INPP5D: variants seen among roughly 807,000 people sequenced by gnomAD.
INPP5D encodes the protein phosphatidylinositol 3,4,5-trisphosphate 5-phosphatase 1.
In INPP5D, 33 loss-of-function variants were observed where a neutral mutation model predicts 122.9. The observed-to-expected ratio is 0.27, with a 90% CI of 0.20 to 0.36. The LOEUF is 0.36. Ranked by LOEUF, INPP5D falls within the 10% of genes least tolerant of loss-of-function variation. The pLI is 1.00. For missense variants in INPP5D, 1,053 were observed against 1,412.7 expected (o/e 0.75, Z 4.08); for synonymous variants, 584 against 576.2 (o/e 1.01, Z -0.19).
chr2:233,204,091 G>T, intron 25 of INPP5D, 35 bp from the exon 26 acceptor site: 1 of 1,473,870 alleles, frequency 6.8e-7, no homozygotes, highest in Non-Finnish European at 9.0e-7. Flanking sequence ...TTCTCCCCTG[G>T]ACATGTGTCT....
At chr2:233,069,062 C>T (rs767813833) in intron 1 of INPP5D, among the ~76,000 whole-genome samples, 32 of 152,318 alleles carry the variant, frequency 2.1e-4, no homozygotes, top group African/African-American at 6.0e-4. Flanking sequence ...TGTTCCATGA[C>T]GGGGGTACTC....
chr2:233,202,652 C>T (rs1178030395), intron 25 of INPP5D, among the ~76,000 whole-genome samples: 2 of 152,202 alleles, frequency 1.3e-5, no homozygotes, highest in East Asian at 3.8e-4. Flanking sequence ...TCCCAGCGAT[C>T]CACAATTTCT....
intron 17 of INPP5D, among the ~76,000 whole-genome samples, chr2:233,172,905 A>G (rs940424039): frequency 2.6e-5 from 4 of 152,220 alleles, no homozygotes; most frequent in African/African-American, 9.6e-5. Flanking sequence ...CAGTAAAAAT[A>G]TGGTATAAAA....
At chr2:233,116,605 T>A (rs1355738112) in intron 2 of INPP5D, among the ~76,000 whole-genome samples, 1 of 135,204 alleles carries the variant, frequency 7.4e-6, no homozygotes, top group Non-Finnish European at 1.6e-5. Context: ...CATAATTTTT[T>A]TTTTTCTTTG....
At chr2:233,116,480 G>A (rs915510542) in intron 2 of INPP5D, among the ~76,000 whole-genome samples, 1 of 151,932 alleles carries the variant, frequency 6.6e-6, no homozygotes. Context: ...GTAGAGACAG[G>A]TTTCATCATG....
intron 5 of INPP5D, among the ~76,000 whole-genome samples, chr2:233,134,698 G>C (rs1235760886): frequency 6.6e-6 from 1 of 152,180 alleles, no homozygotes; most frequent in Non-Finnish European, 1.5e-5. Flanking sequence ...GGTAACTCCT[G>C]AAATGGAGAC....
rs1339834861 is a variant in INPP5D at position 233,162,731 on chromosome 2, G to T, written c.1240+905G>T. Among the ~76,000 whole-genome samples the T allele has an allele frequency of 2.6e-5, 4 of 152,198 alleles. No individual in the cohort carries two copies. In the South Asian group the frequency reaches 6.2e-4, roughly 24 times the overall value. On this transcript the variant is annotated intron_variant, in intron 11 of 26. Transcript: ENST00000445964. Reference sequence around the variant, plus strand: ...GGAGGAAGAGGGTGAGCAGTGGCTGGCAGGGGCCTCCTGGAAGTGAAGTGA... The same window carrying T: ...GGAGGAAGAGGGTGAGCAGTGGCTGTCAGGGGCCTCCTGGAAGTGAAGTGA...
chr2:233,121,848 A>C (rs754650575), intron 2 of INPP5D, among the ~76,000 whole-genome samples: 19 of 152,190 alleles, frequency 1.2e-4, no homozygotes, highest in Non-Finnish European at 2.8e-4. Context: ...TAAAAATAAA[A>C]GTTTTTTAAA....
Position 233,164,346 on chromosome 2 carries a change from C to T in INPP5D, c.1477C>T (p.Leu493=), listed in dbSNP as rs1232921060. 2.6e-6 allele frequency: 4 copies of T among 1,552,160 alleles called. No individual in the cohort carries two copies. The African/African-American group carries it at 5.5e-5, about 21-fold the overall frequency. Reference sequence around the variant, plus strand: ...GCTCTGGAACATCCGCATCGTGGTGCTGGCCAAGCCTGAGCACGAGAACCG... The same window carrying T: ...GCTCTGGAACATCCGCATCGTGGTGTTGGCCAAGCCTGAGCACGAGAACCG... ...HTLWNIRIVV[L]AKPEHENRIS... The change falls in exon 13 of 27, where the codon CTG becomes TTG. Residue 493 remains leucine (L), a synonymous_variant. Transcript: ENST00000445964. This position sits in a 1 kb window ranked among gnomAD's most constrained non-coding sequence, Gnocchi z 4.3.
intron 13 of INPP5D, among the ~76,000 whole-genome samples, chr2:233,165,313 G>A (rs1694299825): frequency 6.6e-6 from 1 of 152,132 alleles, no homozygotes; most frequent in African/African-American, 2.4e-5. Flanking sequence ...CTATGTATGT[G>A]AGTCCGTGTA....
At chr2:233,111,086 G>A (rs1574734666) in intron 2 of INPP5D, among the ~76,000 whole-genome samples, 1 of 152,066 alleles carries the variant, frequency 6.6e-6, no homozygotes, top group African/African-American at 2.4e-5. Flanking sequence ...CATCATTTCA[G>A]TCATATTACT....
chr2:233,064,043 G>A (rs1038151780), intron 1 of INPP5D, among the ~76,000 whole-genome samples: 1 of 152,270 alleles, frequency 6.6e-6, no homozygotes, highest in African/African-American at 2.4e-5. Flanking sequence ...AAGGGTCCAT[G>A]GGTTGGCCGA....
intron 6 of INPP5D, among the ~76,000 whole-genome samples, chr2:233,141,986 G>T (rs1693641188): frequency 6.6e-6 from 1 of 152,228 alleles, no homozygotes; most frequent in Non-Finnish European, 1.5e-5. Flanking sequence ...TAATTTCTAA[G>T]AAAGTAAAAG....
chr2:233,065,989 G>A (rs1032808246), intron 1 of INPP5D, among the ~76,000 whole-genome samples: 2 of 151,124 alleles, frequency 1.3e-5, no homozygotes, highest in Admixed American at 6.6e-5. Flanking sequence ...TTTGAGACAC[G>A]GTCTTTCGCT....
rs571384992 is a variant in INPP5D, at chr2:233,186,330, A to C, written c.2358+405A>C. On this transcript the variant is annotated intron_variant, in intron 21 of 26. Transcript: ENST00000445964. Reference sequence around the variant, plus strand: ...CTCTTTGACGCTTGTTTTCCTATTCAGTGCTGGTTCATAGAATCGAGTACA... The same window carrying C: ...CTCTTTGACGCTTGTTTTCCTATTCCGTGCTGGTTCATAGAATCGAGTACA... Among the ~76,000 whole-genome samples, 3 of 152,070 alleles carry C rather than the reference A, an allele frequency of 2.0e-5. No homozygotes were observed. The East Asian group carries it at 5.8e-4, about 29-fold the overall frequency.
At chr2:233,122,286 G>C (rs1387881091) in intron 3 of INPP5D, 29 bp downstream of exon 3, 1 of 1,603,748 alleles carries the variant, frequency 6.2e-7, no homozygotes, top group Non-Finnish European at 8.5e-7. Context: ...GACGGCAGGA[G>C]GTACTTTTGG....
At chr2:233,091,770 G>A (rs922212908) in intron 2 of INPP5D, among the ~76,000 whole-genome samples, 1 of 152,152 alleles carries the variant, frequency 6.6e-6, no homozygotes, top group Non-Finnish European at 1.5e-5. Context: ...GGCGGAGGCC[G>A]TTATTTTTTC....
Position 233,082,445 on chromosome 2 carries a change from G to A in INPP5D, c.198+3047G>A, listed in dbSNP as rs76063896. 4.7e-3 allele frequency among the ~76,000 whole-genome samples: 709 copies of A among 152,268 alleles called. 11 individuals carry two copies. Among genetic ancestry groups the A allele is most frequent in the South Asian group, 0.027 (132 of 4,822 alleles). The stretch of plus-strand genomic sequence containing the variant: ...TCTAAATAACTCATTCCTGACACCT[G>A]AGCCTGTTCAGTGCCACCAGAATAC... On this transcript the variant is annotated intron_variant, in intron 2 of 26. Transcript: ENST00000445964. The surrounding 1 kb of genome is among the most constrained non-coding windows in gnomAD (Gnocchi z 4.7).
At chr2:233,202,365 G>T (rs558001022) in intron 25 of INPP5D, among the ~76,000 whole-genome samples, 3 of 152,296 alleles carry the variant, frequency 2.0e-5, no homozygotes, top group Admixed American at 6.5e-5. Context: ...CTTGTTTGAG[G>T]CCCCAGCATT....
Sources: gnomAD v4.1 joint callset for allele counts (sites outside exome capture counted in the v4.1 genomes callset) on GRCh38, gnomAD v4.1.1 for gene constraint, Gnocchi (gnomAD v3.1) non-coding constraint, MANE v1.5 for transcripts, NCBI Gene and HGNC (gene_info 2026-07-23, HGNC 2026-07-21) for gene names.